The following CELF2 variants were observed in gnomAD, a reference collection of about 807,000 sequenced individuals.
CELF2 encodes CUGBP Elav-like family member 2, also known as CUG triplet repeat RNA-binding protein 2.
A neutral mutation model predicts 62.6 loss-of-function variants in CELF2; 8 were observed. That is an observed-to-expected ratio of 0.13 (90% CI 0.07 to 0.23). The LOEUF (loss-of-function observed/expected upper bound fraction) is 0.23. Among genes scored for constraint, CELF2 ranks in the 10% least tolerant of loss-of-function variants. CELF2 has a pLI of 1.00. For missense variants in CELF2, 333 were observed against 671.0 expected, an observed-to-expected ratio of 0.50 and a Z score of 5.56; for synonymous variants, 258 against 250.0, an observed-to-expected ratio of 1.03 and a Z score of -0.30.
chr10:10,958,655 G>C (rs1190130473), intron 2 of CELF2, among the ~76,000 whole-genome samples: 2 of 151,932 alleles, frequency 1.3e-5, no homozygotes, highest in South Asian at 2.1e-4. Context: ...ACCAGCCTGG[G>C]CAACAGAACA....
chr10:11,078,055 C>T lies in CELF2; in HGVS notation c.74+59892C>T, dbSNP rs1026592623. 4.6e-5 allele frequency among the ~76,000 whole-genome samples: 7 copies of T among 152,244 alleles called. No individual in the cohort carries two copies. The East Asian group carries it at 7.7e-4, about 17-fold the overall frequency. ...GTAGGCTAGAGCAGACCATTTGCTT[C>T]TGGTTTGAGATAATTCCCTCCATTC... On this transcript the variant is annotated intron_variant, in intron 1 of 12. Transcript: ENST00000633077.
intron 1 of CELF2, among the ~76,000 whole-genome samples, chr10:10,836,431 C>T (rs879263068): frequency 6.6e-5 from 10 of 152,134 alleles, no homozygotes; most frequent in Admixed American, 3.3e-4. Flanking sequence ...ACAAGTGTGT[C>T]TATTCGATAT....
chr10:11,123,825 C>G (rs1007211373), intron 1 of CELF2, among the ~76,000 whole-genome samples: 3 of 152,144 alleles, frequency 2.0e-5, no homozygotes, highest in African/African-American at 7.2e-5. Context: ...ACATGAAGAC[C>G]TGTACCTTTT....
At chr10:10,539,085 C>A in the CELF2 span, among the ~76,000 whole-genome samples, 1 of 152,194 alleles carries the variant, frequency 6.6e-6, no homozygotes, top group Non-Finnish European at 1.5e-5. Flanking sequence ...ACAATCTAGT[C>A]TTCTGGGCAT....
chr10:10,664,151 AC>A, the CELF2 span, among the ~76,000 whole-genome samples: 1 of 152,212 alleles, frequency 6.6e-6, no homozygotes, highest in Non-Finnish European at 1.5e-5. Context: ...CTGGCACATC[AC>A]AAGCTGAAGC....
chr10:10,595,689 T>C, the CELF2 span, among the ~76,000 whole-genome samples: 1 of 152,062 alleles, frequency 6.6e-6, no homozygotes, highest in African/African-American at 2.4e-5. Context: ...CCTTAATCTG[T>C]TTGCAATTAA....
chr10:11,094,716 T>C (rs546175914), intron 1 of CELF2, among the ~76,000 whole-genome samples: 4 of 152,330 alleles, frequency 2.6e-5, no homozygotes, highest in East Asian at 3.9e-4. Context: ...TGTCCATCCA[T>C]GTTAGAGTGT....
In CELF2 at chr10:11,159,324, T is replaced by C. The variant is rs1242061175; in HGVS notation, c.75-6162T>C. On this transcript the variant is annotated intron_variant, in intron 1 of 12. Transcript: ENST00000633077. The surrounding 1 kb of genome is among the most constrained non-coding windows in gnomAD (Gnocchi z 5.0). The stretch of plus-strand genomic sequence containing the variant: ...CCTGGATGCCACTACAGTTAAGACA[T>C]AGCTGTGTCAGAAAGGTGGCAAACT... 6.6e-6 allele frequency among the ~76,000 whole-genome samples: 1 copy of C among 152,206 alleles called. No individual in the cohort carries two copies. The highest frequency in any genetic ancestry group is 2.4e-5 in the African/African-American group (1 of 41,448).
At chr10:10,641,994 C>T in the CELF2 span, among the ~76,000 whole-genome samples, 1 of 152,202 alleles carries the variant, frequency 6.6e-6, no homozygotes, top group Admixed American at 6.5e-5. Flanking sequence ...AGATAAAGGG[C>T]ACTGTTTCTA....
At chr10:10,660,507 T>C in the CELF2 span, among the ~76,000 whole-genome samples, 1 of 152,184 alleles carries the variant, frequency 6.6e-6, no homozygotes, top group East Asian at 1.9e-4. Flanking sequence ...CCAGATGGAT[T>C]TCTCCACCCG....
intron 1 of CELF2, among the ~76,000 whole-genome samples, chr10:10,810,527 T>A (rs774704155): frequency 4.0e-5 from 6 of 151,748 alleles, no homozygotes; most frequent in Non-Finnish European, 8.8e-5. Context: ...TTCCAGTAAC[T>A]GTCAGTAATT....
At chr10:11,164,981 A>G (rs1383818923) in intron 1 of CELF2, 20 of 809,402 alleles carry the variant, frequency 2.5e-5, no homozygotes, top group Non-Finnish European at 2.8e-5. Context: ...TTTTCTTTCC[A>G]TGTGACTTTA....
chr10:10,473,235 G>A, the CELF2 span, among the ~76,000 whole-genome samples: 8 of 152,096 alleles, frequency 5.3e-5, no homozygotes, highest in South Asian at 1.5e-3. Flanking sequence ...TGAAGACAGA[G>A]ACAGGGAGAT....
rs184122763 is a variant in CELF2 at position 10,986,786 on chromosome 10, A to C, written c.89+66787A>C. On this transcript the variant is annotated intron_variant, in intron 2 of 13. Coordinates refer to the CELF2 transcript ENST00000636488. Reference sequence around the variant, plus strand: ...CACATTGCAATGTGGCCAGGCTCACAGGGAGGAATGTGTGAGATAAACATT... The same window carrying C: ...CACATTGCAATGTGGCCAGGCTCACCGGGAGGAATGTGTGAGATAAACATT... Among the ~76,000 whole-genome samples the C allele has an allele frequency of 1.1e-4, 17 of 152,304 alleles. No individual in the cohort carries two copies. The East Asian group carries it at 3.1e-3, about 28-fold the overall frequency.
chr10:11,174,111 A>G (rs572840842), intron 2 of CELF2, among the ~76,000 whole-genome samples: 1 of 152,302 alleles, frequency 6.6e-6, no homozygotes, highest in African/African-American at 2.4e-5. Context: ...TTAAAGAATC[A>G]AGGTCTTCAA....
chr10:11,226,600 C>CCACACAAACACACACACACACACA (rs1298908039), intron 3 of CELF2, among the ~76,000 whole-genome samples: 60 of 25,952 alleles, frequency 2.3e-3, no homozygotes, highest in African/African-American at 3.5e-3. Context: ...CAGGCAGTGG[C>CCACACAAACACACACACACACACA]CACACACACA....
At chr10:10,871,511 G>A (rs1396810410) in intron 1 of CELF2, among the ~76,000 whole-genome samples, 1 of 152,056 alleles carries the variant, frequency 6.6e-6, no homozygotes, top group Non-Finnish European at 1.5e-5. Flanking sequence ...GAAACCTAGC[G>A]GGAATGGCTC....
chr10:10,495,645 G>C, the CELF2 span, among the ~76,000 whole-genome samples: 2 of 152,144 alleles, frequency 1.3e-5, no homozygotes, highest in Non-Finnish European at 2.9e-5. Context: ...AAAAATCTCT[G>C]GCAGAAGAAA....
chr10:11,197,036 A>AAAAAGAAG lies in CELF2; in HGVS notation c.272-20389_272-20388insAAAAGAAG, dbSNP rs2057942232. ...AGAAAGAAAGAAAGAAAAGAAAGAAAGAAAGAAAGAAAGAAAGAAAGAAAA... is the reference window on the plus strand; with the variant it reads ...AGAAAGAAAGAAAGAAAAGAAAGAAAAAAAGAAGGAAAGAAAGAAAGAAAGAAAGAAAA... On this transcript the variant is annotated intron_variant, in intron 2 of 12. Coordinates refer to ENST00000633077, the MANE Select transcript of CELF2 (RefSeq NM_001326342.2). Among the ~76,000 whole-genome samples, 2 of 24,484 alleles carry AAAAAGAAG rather than the reference A, an allele frequency of 8.2e-5. 1 individual carries two copies. 16.1% of individuals were successfully genotyped at this position (24,484 alleles called of 152,430 possible). A position where few individuals can be genotyped will look rare whatever the true frequency, so the allele number is the denominator to read the frequency against.
Sources: allele counts gnomAD v4.1 joint callset (sites outside exome capture counted in the v4.1 genomes callset), GRCh38; gene constraint gnomAD v4.1.1; non-coding constraint Gnocchi (gnomAD v3.1); transcripts MANE v1.5; gene names NCBI Gene and HGNC (gene_info 2026-07-23, HGNC 2026-07-21).